ZSCAN31: variants seen among roughly 807,000 people sequenced by gnomAD.
ZSCAN31 encodes the protein zinc finger and SCAN domain-containing protein 31.
In ZSCAN31, 14 loss-of-function variants were observed where a neutral mutation model predicts 22.5. That is an observed-to-expected ratio of 0.62 (90% CI 0.41 to 0.97). The LOEUF is 0.97. Among genes scored for constraint, ZSCAN31 ranks in the 50% least tolerant of loss-of-function variants. ZSCAN31 has a pLI of 0.00. For missense variants in ZSCAN31, 424 were observed against 483.4 expected (o/e 0.88, Z 1.15); for synonymous variants, 168 against 169.8 (o/e 0.99, Z 0.08).
rs1380907037 is a variant in ZSCAN31 at position 28,349,880 on chromosome 6, G to C, written c.-371+3982C>G. 1.3e-5 allele frequency: 2 copies of C among 152,266 alleles called. No individual in the cohort carries two copies. Among genetic ancestry groups the C allele is most frequent in the Non-Finnish European group, 2.9e-5 (2 of 68,046 alleles). 9.4% of individuals were successfully genotyped at this position (152,266 alleles called of 1,614,324 possible). The stretch of plus-strand genomic sequence containing the variant: ...CAAGGTGCCGAGCTAGCAAACGACA[G>C]AGTCTGTCAGGGAGGTGGCTAGAGA... On this transcript the variant is annotated intron_variant, in intron 2 of 7. Coordinates refer to the ZSCAN31 transcript ENST00000396838. This position sits in a 1 kb window ranked among gnomAD's most constrained non-coding sequence, Gnocchi z 4.1.
At position 28,351,460 on chromosome 6, in the gene ZSCAN31, AC is replaced by A. The variant is rs1765009148; in HGVS notation, c.-371+2401del. ...TTATTCAGGAAGGAAAGAAGTTAGG[AC>A]ATTGTTTAATTTTCTAAAATTTTGG... is the stretch of plus-strand genomic sequence containing the variant. On this transcript the variant is annotated intron_variant, in intron 2 of 7. Coordinates refer to the ZSCAN31 transcript ENST00000396838. This position sits in a 1 kb window ranked among gnomAD's most constrained non-coding sequence, Gnocchi z 4.6. Among the ~76,000 whole-genome samples the A allele has an allele frequency of 2.0e-5, 3 of 152,172 alleles. No homozygotes were observed. Among genetic ancestry groups the A allele is most frequent in the African/African-American group, 7.2e-5 (3 of 41,434 alleles).
chr6:28,326,543 G>C lies in ZSCAN31; in HGVS notation c.844C>G (p.Leu282Val), dbSNP rs1561904088. 6.2e-7 allele frequency: 1 copy of C among 1,614,076 alleles called. No homozygotes were observed. The change falls in exon 4 of 4, where the codon CTG (leucine) becomes GTG (valine). Residue 282 changes from leucine to valine, a missense_variant. Coordinates refer to ENST00000344279, the MANE Select transcript of ZSCAN31 (RefSeq NM_030899.5). The part of the protein sequence containing the change: ...CGKAFSRRSS[L>V]NEHRRSHTGE... Reference sequence around the variant, plus strand: ...GTGTGGCTCCGCCGATGTTCATTCAGGCTTGACCTCCGGCTGAAGGCCTTC... The same window carrying C: ...GTGTGGCTCCGCCGATGTTCATTCACGCTTGACCTCCGGCTGAAGGCCTTC...
intron 2 of ZSCAN31, among the ~76,000 whole-genome samples, chr6:28,352,924 G>C (rs1765142101): frequency 6.7e-6 from 1 of 150,002 alleles, no homozygotes; most frequent in African/African-American, 2.5e-5. Flanking sequence ...TTTTCCCTTT[G>C]TAACCTCTAC....
intron 1 of ZSCAN31, chr6:28,354,101 C>G (rs1012962132): frequency 9.0e-5 from 33 of 368,638 alleles, no homozygotes; most frequent in South Asian, 6.6e-4. Context: ...CAGCTGTACT[C>G]CTTGGCATGC....
In ZSCAN31 at chr6:28,329,416, T is replaced by C; in HGVS notation, c.268A>G (p.Ile90Val). The C allele has an allele frequency of 3.1e-6, 5 of 1,614,180 alleles. No homozygotes were observed. The highest frequency in any genetic ancestry group is 4.2e-6 in the Non-Finnish European group (5 of 1,180,042). The change falls in exon 2 of 4, where the codon ATC becomes GTC. Residue 90 changes from isoleucine to valine, a missense_variant. Coordinates refer to ENST00000344279, the MANE Select transcript of ZSCAN31 (RefSeq NM_030899.5). ...ELLVLEQFLT[I>V]LPEELQAWVR... ...CAGGCCTGGAGCTCCTCAGGCAGGA[T>C]AGTCAGGAATTGCTCCAGCACCAGC...
At chr6:28,339,196 T>G (rs547858124), upstream of ZSCAN31, among the ~76,000 whole-genome samples, 1 of 152,352 alleles carries the variant, frequency 6.6e-6, no homozygotes, top group East Asian at 1.9e-4. Flanking sequence ...TTTTATATAA[T>G]TTGACATTGT....
chr6:28,348,896 CTT>C (rs1764767139), intron 2 of ZSCAN31, among the ~76,000 whole-genome samples: 1 of 151,460 alleles, frequency 6.6e-6, no homozygotes, highest in African/African-American at 2.4e-5. Context: ...ATACACATGT[CTT>C]ATATACATAG....
Position 28,347,765 on chromosome 6 carries a change from C to T in ZSCAN31, c.-370-5973G>A, listed in dbSNP as rs1561925040. Among the ~76,000 whole-genome samples the T allele has an allele frequency of 6.6e-6, 1 of 151,668 alleles. No homozygotes were observed. The highest frequency in any genetic ancestry group is 1.9e-4 in the East Asian group (1 of 5,184). On this transcript the variant is annotated intron_variant, in intron 2 of 7. Transcript: ENST00000396838. The surrounding 1 kb of genome is among the most constrained non-coding windows in gnomAD (Gnocchi z 5.2). ...GGGTAAGTACTTTGAAGCTGCTGGG[C>T]CAATGTGTGTATCATTTTCAGGTTT...
chr6:28,326,957 G>A (rs1763332131), intron 3 of ZSCAN31, 103 bp from the exon 4 acceptor site: 1 of 1,148,372 alleles, frequency 8.7e-7, no homozygotes, highest in South Asian at 1.6e-5. Flanking sequence ...ACATGTTCTA[G>A]GAATGAAGAA....
chr6:28,341,206 A>G (rs1015631190), intron 3 of ZSCAN31, among the ~76,000 whole-genome samples: 2 of 152,238 alleles, frequency 1.3e-5, no homozygotes, highest in African/African-American at 2.4e-5. Context: ...CAAAACAGCT[A>G]CATTGAAATT....
chr6:28,354,039 C>T (rs1765250093), intron 1 of ZSCAN31: 2 of 437,138 alleles, frequency 4.6e-6, no homozygotes, highest in Non-Finnish European at 9.2e-6. Context: ...CCTCCTCCGA[C>T]CGCAGCCCTT....
upstream of ZSCAN31, among the ~76,000 whole-genome samples, chr6:28,354,795 C>T (rs1032695446): frequency 1.3e-5 from 2 of 152,232 alleles, no homozygotes; most frequent in Non-Finnish European, 2.9e-5. Context: ...CATCCTTTCT[C>T]TCATAGATCT....
In ZSCAN31 at chr6:28,333,835, C is replaced by T. The variant is rs1763941249; in HGVS notation, c.-96+2247G>A. ...ATTTTATAAATGCAATGAGAAACCACTGAAGGCTTTAAGAAAGGGAGTGAC... is the reference window on the plus strand; with the variant it reads ...ATTTTATAAATGCAATGAGAAACCATTGAAGGCTTTAAGAAAGGGAGTGAC... On this transcript the variant is annotated intron_variant, in intron 1 of 3. Coordinates refer to ENST00000344279, the MANE Select transcript of ZSCAN31 (RefSeq NM_030899.5). The surrounding 1 kb of genome is among the most constrained non-coding windows in gnomAD (Gnocchi z 4.1). Among the ~76,000 whole-genome samples the T allele has an allele frequency of 6.6e-6, 1 of 152,066 alleles. No homozygotes were observed. Among genetic ancestry groups the T allele is most frequent in the Non-Finnish European group, 1.5e-5 (1 of 68,026 alleles).
intron 1 of ZSCAN31, among the ~76,000 whole-genome samples, chr6:28,332,680 T>C (rs1315071872): frequency 6.6e-6 from 1 of 152,208 alleles, no homozygotes; most frequent in East Asian, 1.9e-4. Flanking sequence ...AATAAAATAT[T>C]GACTTCATAT....
intron 2 of ZSCAN31, among the ~76,000 whole-genome samples, chr6:28,327,765 C>G (rs1027796924): frequency 1.5e-4 from 23 of 152,086 alleles, no homozygotes; most frequent in African/African-American, 5.3e-4. Context: ...ATCCCCAACC[C>G]CCTGAATGTG....
intron 1 of ZSCAN31, among the ~76,000 whole-genome samples, chr6:28,330,584 A>G (rs1240676501): frequency 6.6e-6 from 1 of 152,214 alleles, no homozygotes; most frequent in Non-Finnish European, 1.5e-5. Context: ...TCAACTGTTA[A>G]GTATAATGCA....
rs1764786537 is a variant in ZSCAN31, at chr6:28,349,109, T to G, written c.-371+4753A>C. ...TCATATACATAGGTGTATATACATGTCTCATATACATAGGTGTATATATAT... is the reference window on the plus strand; with the variant it reads ...TCATATACATAGGTGTATATACATGGCTCATATACATAGGTGTATATATAT... On this transcript the variant is annotated intron_variant, in intron 2 of 7. Coordinates refer to the ZSCAN31 transcript ENST00000396838. The surrounding 1 kb of genome is among the most constrained non-coding windows in gnomAD (Gnocchi z 4.1). Among the ~76,000 whole-genome samples, 2 of 144,146 alleles carry G rather than the reference T, an allele frequency of 1.4e-5. No individual in the cohort carries two copies. The allele number at this position is 144,146 out of a possible 152,430, so 94.6% of individuals were successfully genotyped here. A position where few individuals can be genotyped will look rare whatever the true frequency, so the allele number is the denominator to read the frequency against.
chr6:28,348,160 C>A (rs934165354), intron 2 of ZSCAN31, among the ~76,000 whole-genome samples: 1 of 152,028 alleles, frequency 6.6e-6, no homozygotes, highest in African/African-American at 2.4e-5. Flanking sequence ...CTTCTCCCAA[C>A]CTTTTAATTT....
At position 28,333,963 on chromosome 6, in the gene ZSCAN31, G is replaced by C. The variant is rs1414778626; in HGVS notation, c.-96+2119C>G. Among the ~76,000 whole-genome samples, 1 of 152,144 alleles carries C rather than the reference G, an allele frequency of 6.6e-6. No individual in the cohort carries two copies. Among genetic ancestry groups the C allele is most frequent in the Non-Finnish European group, 1.5e-5 (1 of 68,024 alleles). On this transcript the variant is annotated intron_variant, in intron 1 of 3. Coordinates refer to ENST00000344279, the MANE Select transcript of ZSCAN31 (RefSeq NM_030899.5). This position sits in a 1 kb window ranked among gnomAD's most constrained non-coding sequence, Gnocchi z 4.1. The stretch of plus-strand genomic sequence containing the variant: ...GAAGCAGAAAGCAAGAGTAGAAGCA[G>C]AAGAGGCAAGAGTTAAAAAAAAGGG...
Sources: gnomAD v4.1 joint callset for allele counts (sites outside exome capture counted in the v4.1 genomes callset) on GRCh38, gnomAD v4.1.1 for gene constraint, Gnocchi (gnomAD v3.1) non-coding constraint, MANE v1.5 for transcripts, NCBI Gene and HGNC (gene_info 2026-07-23, HGNC 2026-07-21) for gene names.